Variants in KIAA1549 observed in about 807,000 individuals in gnomAD.
KIAA1549 encodes the protein UPF0606 protein KIAA1549.
A neutral mutation model predicts 156.4 loss-of-function variants in KIAA1549; 70 were observed. The ratio of observed to expected loss-of-function variants is 0.45; its 90% CI spans 0.37 to 0.55. The LOEUF is 0.55. KIAA1549 is among the 20% of genes least tolerant of loss of function. The pLI is 0.00. For missense variants in KIAA1549, 2,428 were observed against 2,540.9 expected (o/e 0.96, Z 0.96); for synonymous variants, 1,103 against 1,066.4 (o/e 1.03, Z -0.67).
At chr7:138,900,699 T>G (rs555780250) in intron 8 of KIAA1549, among the ~76,000 whole-genome samples, 257 of 152,268 alleles carry the variant, frequency 1.7e-3, no homozygotes, top group Admixed American at 3.9e-3. Context: ...GGTAATGAGT[T>G]CTTGCTCTAC....
intron 10 of KIAA1549, among the ~76,000 whole-genome samples, chr7:138,882,376 G>A (rs1563061621): frequency 6.6e-6 from 1 of 152,232 alleles, no homozygotes; most frequent in African/African-American, 2.4e-5. Flanking sequence ...TGAAAGTGAC[G>A]TTAAGGGAAA....
At chr7:138,882,457 G>A (rs542453556) in intron 10 of KIAA1549, among the ~76,000 whole-genome samples, 29 of 152,312 alleles carry the variant, frequency 1.9e-4, no homozygotes, top group African/African-American at 6.7e-4. Flanking sequence ...CTTAATTTGA[G>A]GCCCCAAAGG....
chr7:138,861,617 C>G (rs1238908245), intron 15 of KIAA1549, among the ~76,000 whole-genome samples, 161 bp from the exon 16 acceptor site: 2 of 149,248 alleles, frequency 1.3e-5, no homozygotes, highest in African/African-American at 5.0e-5. Flanking sequence ...TTTGGGGAGG[C>G]TGAGGTGGAG....
At chr7:138,880,571 G>A (rs534742844) in intron 11 of KIAA1549, among the ~76,000 whole-genome samples, 101 of 151,794 alleles carry the variant, frequency 6.7e-4, no homozygotes, top group African/African-American at 2.3e-3. Flanking sequence ...ACTTTTTTTT[G>A]CTCTTAGCAG....
Position 138,834,630 on chromosome 7 carries a change from G to A in KIAA1549, c.*3276C>T, listed in dbSNP as rs181723887. The A allele has an allele frequency of 6.1e-4, 142 of 231,784 alleles. No homozygotes were observed. Among genetic ancestry groups the A allele is most frequent in the South Asian group, 9.1e-4 (5 of 5,516 alleles). 14.4% of individuals were successfully genotyped at this position (231,784 alleles called of 1,614,324 possible). On this transcript the variant is annotated 3_prime_UTR_variant, in exon 20 of 20. Transcript: ENST00000422774. ...AGAAAGATGCTTAATAAATGCAATC[G>A]GAAAATTGGTGAAGGAAGTGAAATT... is the stretch of plus-strand genomic sequence containing the variant.
chr7:138,833,824 C>T lies in KIAA1549; in HGVS notation c.*4082G>A, dbSNP rs1290137148. 1.3e-5 allele frequency: 3 copies of T among 233,170 alleles called. No individual in the cohort carries two copies. The highest frequency in any genetic ancestry group is 6.6e-5 in the African/African-American group (3 of 45,340). 14.4% of individuals were successfully genotyped at this position (233,170 alleles called of 1,614,324 possible). ...TTGCCTCCCCCACACTGGAGTACTTCCTCTGTAGATCTTCACAGCCCTGGT... is the reference window on the plus strand; with the variant it reads ...TTGCCTCCCCCACACTGGAGTACTTTCTCTGTAGATCTTCACAGCCCTGGT... On this transcript the variant is annotated 3_prime_UTR_variant, in exon 20 of 20. Transcript: ENST00000422774.
intron 1 of KIAA1549, among the ~76,000 whole-genome samples, chr7:138,930,609 C>T (rs1199496430): frequency 2.6e-5 from 4 of 152,246 alleles, no homozygotes; most frequent in Non-Finnish European, 5.9e-5. Context: ...CTGTTAGCTT[C>T]AAACTTTTCT....
At chr7:138,844,621 C>T (rs1810021694) in intron 17 of KIAA1549, 147 bp from the exon 18 acceptor site, 2 of 735,782 alleles carry the variant, frequency 2.7e-6, no homozygotes. Flanking sequence ...AGAGATGTTT[C>T]TCCTGCTCCC....
Position 138,918,486 on chromosome 7 carries a change from G to T in KIAA1549, c.1140C>A (p.Asn380Lys). 1.2e-6 allele frequency: 2 copies of T among 1,614,024 alleles called. No individual in the cohort carries two copies. The highest frequency in any genetic ancestry group is 1.3e-5 in the African/African-American group (1 of 75,052). The change falls in exon 2 of 20, where the codon AAC becomes AAA. Residue 380 changes from asparagine (N) to lysine (K), a missense_variant. By Grantham distance (94) the Asn-to-Lys change is moderately conservative. This residue lies in a region of KIAA1549 where 893 missense variants were observed against 847.9 expected (regional missense o/e 1.05). Transcript: ENST00000422774. The surrounding 1 kb of genome is among the most constrained non-coding windows in gnomAD (Gnocchi z 4.2). ...TGCTGGAGTCGCTAGGGAGAAAGGG[G>T]TTAGATGAAACATCAGTTGGTGAAG... ...SSASPTDVSS[N>K]PFLPSDSSKT...
At chr7:138,858,269 T>C (rs1457299007) in intron 16 of KIAA1549, among the ~76,000 whole-genome samples, 1 of 152,044 alleles carries the variant, frequency 6.6e-6, no homozygotes, top group Non-Finnish European at 1.5e-5. Context: ...CTAATTTTTA[T>C]ATTTTTTGTA....
chr7:138,911,120 A>G, intron 4 of KIAA1549, 26 bp downstream of exon 4: 1 of 1,427,134 alleles, frequency 7.0e-7, no homozygotes, highest in Admixed American at 2.8e-5. Flanking sequence ...TTTACAAATA[A>G]AAACAACTAT....
At chr7:138,879,477 C>A (rs1163719802) in intron 12 of KIAA1549, 61 bp downstream of exon 12, 1 of 979,952 alleles carries the variant, frequency 1.0e-6, no homozygotes, top group Admixed American at 2.6e-5. Context: ...ACTGTAAGGC[C>A]CCAGCCTTTG....
At chr7:138,863,680 AACC>A (rs1302582431) in intron 15 of KIAA1549, among the ~76,000 whole-genome samples, 1 of 152,142 alleles carries the variant, frequency 6.6e-6, no homozygotes, top group African/African-American at 2.4e-5. Flanking sequence ...GCAACACAGA[AACC>A]ACCAACTGCC....
At chr7:138,867,875 C>A in intron 15 of KIAA1549, 100 bp downstream of exon 15, 2 of 1,300,034 alleles carry the variant, frequency 1.5e-6, no homozygotes, top group African/African-American at 1.5e-5. Context: ...TGATACCACA[C>A]AGGGCGGCAG....
At chr7:138,912,284 A>G in intron 3 of KIAA1549, 88 bp downstream of exon 3, 1 of 891,656 alleles carries the variant, frequency 1.1e-6, no homozygotes, top group Non-Finnish European at 1.9e-6. Flanking sequence ...GAATGATTCC[A>G]TGGCCATAAT....
At chr7:138,971,100 C>G (rs1814209441) in intron 1 of KIAA1549, among the ~76,000 whole-genome samples, 1 of 152,204 alleles carries the variant, frequency 6.6e-6, no homozygotes, top group African/African-American at 2.4e-5. Flanking sequence ...CGCCAAGGCT[C>G]TGGGCCACCC....
At chr7:138,846,584 A>G (rs1184569367) in intron 17 of KIAA1549, among the ~76,000 whole-genome samples, 4 of 150,572 alleles carry the variant, frequency 2.7e-5, no homozygotes, top group Non-Finnish European at 5.9e-5. Context: ...TTCACCCACC[A>G]TTGCTTTTGC....
At chr7:138,856,483 C>T (rs79577112) in intron 16 of KIAA1549, among the ~76,000 whole-genome samples, 4,468 of 152,254 alleles carry the variant, frequency 0.029, 227 homozygotes, top group African/African-American at 0.1. Context: ...GAGTCACCAA[C>T]TCTCTCACCA....
At chr7:138,909,306 T>C (rs1212727812) in intron 4 of KIAA1549, among the ~76,000 whole-genome samples, 185 bp from the exon 5 acceptor site, 1 of 152,238 alleles carries the variant, frequency 6.6e-6, no homozygotes, top group Admixed American at 6.5e-5. Context: ...TTGCAGTAAA[T>C]GAAGACATGC....
Sources: gnomAD v4.1 joint callset for allele counts (sites outside exome capture counted in the v4.1 genomes callset) on GRCh38, gnomAD v4.1.1 for gene constraint, gnomAD v4.1.1 regional missense constraint, Gnocchi (gnomAD v3.1) non-coding constraint, MANE v1.5 for transcripts, NCBI Gene and HGNC (gene_info 2026-07-23, HGNC 2026-07-21) for gene names.